Variants in EED observed in about 807,000 individuals in gnomAD.
EED encodes embryonic ectoderm development, also known as polycomb protein EED.
A neutral mutation model predicts 61.0 loss-of-function variants in EED; 9 were observed. The observed-to-expected ratio is 0.15, with a 90% CI of 0.09 to 0.26. The LOEUF is 0.26. EED is among the 10% of genes least tolerant of loss of function. The probability of loss-of-function intolerance (pLI) is 1.00; values close to 1 mark genes in which losing one functional copy is unlikely to be tolerated. For synonymous variants in EED, 187 were observed against 174.4 expected (o/e 1.07, Z -0.57); for missense variants, 315 against 542.3 (o/e 0.58, Z 4.16).
chr11:86,266,245 G>A, intron 8 of EED, 29 bp downstream of exon 8: 1 of 1,550,668 alleles, frequency 6.4e-7, no homozygotes. Context: ...GAAACAATTT[G>A]CTATGTTGTG....
intron 9 of EED, among the ~76,000 whole-genome samples, chr11:86,272,385 A>G (rs1312213609): frequency 1.3e-5 from 2 of 151,950 alleles, no homozygotes; most frequent in African/African-American, 2.4e-5. Context: ...CTCAACTTTT[A>G]TCAGTTTCTT....
At chr11:86,276,165 ATTG>A in intron 9 of EED, 1 of 152,188 alleles carries the variant, frequency 6.6e-6, no homozygotes, top group Non-Finnish European at 1.5e-5. Flanking sequence ...GCACAGACAC[ATTG>A]TCAAATGTCC....
intron 9 of EED, among the ~76,000 whole-genome samples, chr11:86,275,357 G>A (rs769331095): frequency 1.3e-5 from 2 of 152,146 alleles, no homozygotes; most frequent in Non-Finnish European, 2.9e-5. Flanking sequence ...TGAATTTTAG[G>A]TGGTAGGCTG....
chr11:86,278,046 T>C (rs947914251), intron 11 of EED, 55 bp downstream of exon 11: 2 of 1,472,528 alleles, frequency 1.4e-6, no homozygotes, highest in African/African-American at 2.9e-5. Flanking sequence ...CACACTTGTA[T>C]GCCAATGTAG....
At chr11:86,256,651 A>G in intron 5 of EED, 139 bp downstream of exon 5, 2 of 873,280 alleles carry the variant, frequency 2.3e-6, no homozygotes, top group African/African-American at 1.7e-5. Flanking sequence ...CTCTCTTTGG[A>G]TGAGTCTTTT....
At chr11:86,256,333 T>G (rs1945673277) in intron 4 of EED, 54 bp from the exon 5 acceptor site, 1 of 1,446,138 alleles carries the variant, frequency 6.9e-7, no homozygotes, top group Non-Finnish European at 9.2e-7. Context: ...ATTATAATTA[T>G]TGACATGTTT....
chr11:86,258,659 G>A (rs1461848813), intron 6 of EED, among the ~76,000 whole-genome samples: 1 of 150,582 alleles, frequency 6.6e-6, no homozygotes, highest in African/African-American at 2.4e-5. Context: ...GGGTTTAAGA[G>A]ATTCTCCTGC....
At chr11:86,272,579 T>G (rs950965599) in intron 9 of EED, among the ~76,000 whole-genome samples, 3 of 152,240 alleles carry the variant, frequency 2.0e-5, no homozygotes, top group Non-Finnish European at 2.9e-5. Flanking sequence ...TTATCAACTA[T>G]TGAGAGACAG....
intron 9 of EED, among the ~76,000 whole-genome samples, chr11:86,275,331 C>G (rs1026900790): frequency 2.0e-5 from 3 of 152,154 alleles, no homozygotes; most frequent in African/African-American, 7.2e-5. Flanking sequence ...GAACTTAGAT[C>G]TCTGGAAAGG....
chr11:86,252,931 A>G (rs921924244), intron 3 of EED, among the ~76,000 whole-genome samples: 2 of 151,976 alleles, frequency 1.3e-5, no homozygotes, highest in African/African-American at 4.8e-5. Context: ...TTTTTTTTGT[A>G]GGGATAGGTT....
At chr11:86,251,760 A>C (rs1945536747) in intron 2 of EED, among the ~76,000 whole-genome samples, 1 of 152,230 alleles carries the variant, frequency 6.6e-6, no homozygotes, top group Non-Finnish European at 1.5e-5. Context: ...CAGAGAAGCT[A>C]TTAAGGCCAT....
At position 86,267,689 on chromosome 11, in the gene EED, C is replaced by G. The variant is rs576263626; in HGVS notation, c.861-767C>G. The stretch of plus-strand genomic sequence containing the variant: ...AATCTTGGCTCACTGCAACCTCTGC[C>G]TCGCAGGTTCAAGCGATTCTCCTGC... On this transcript the variant is annotated intron_variant, in intron 8 of 11. Coordinates refer to ENST00000263360, the MANE Select transcript of EED (RefSeq NM_003797.5). Among the ~76,000 whole-genome samples the G allele has an allele frequency of 6.6e-5, 10 of 152,110 alleles. No homozygotes were observed. The East Asian group carries it at 1.9e-3, about 29-fold the overall frequency.
At chr11:86,263,971 G>T in intron 6 of EED, 1 of 520,456 alleles carries the variant, frequency 1.9e-6, no homozygotes, top group South Asian at 2.8e-5. Context: ...GCTTTTGGGG[G>T]GGCCTATTCA....
At chr11:86,251,717 G>C (rs543174321) in intron 2 of EED, among the ~76,000 whole-genome samples, 3 of 152,248 alleles carry the variant, frequency 2.0e-5, no homozygotes, top group Non-Finnish European at 4.4e-5. Context: ...CTTTACAAGG[G>C]AAAAATTTAG....
chr11:86,271,390 C>G (rs1946107893), intron 9 of EED, among the ~76,000 whole-genome samples: 1 of 152,270 alleles, frequency 6.6e-6, no homozygotes, highest in East Asian at 1.9e-4. Context: ...TGTGACCTAG[C>G]TAGACTACAT....
chr11:86,277,141 A>G lies in EED; in HGVS notation c.1125+3A>G, dbSNP rs1433585052. 6.4e-7 allele frequency: 1 copy of G among 1,569,806 alleles called. No individual in the cohort carries two copies. The highest frequency in any genetic ancestry group is 8.7e-7 in the Non-Finnish European group (1 of 1,151,208). ...TTTCTATGGATTTCTGGCAAAAGGT[A>G]TCAACATACTTTTACATTTTGAAAT... On this transcript the variant is annotated splice_donor_region_variant and intron_variant, in intron 10 of 11. Coordinates refer to ENST00000263360, the MANE Select transcript of EED (RefSeq NM_003797.5).
intron 8 of EED, 34 bp from the exon 9 acceptor site, chr11:86,268,422 C>CT: frequency 2.1e-6 from 3 of 1,400,810 alleles, no homozygotes; most frequent in Non-Finnish European, 2.9e-6. Context: ...ATAATTTTTT[C>CT]TTTTAACTTT....
At chr11:86,286,971 CAAAAAAAAAAAA>C in the EED span, among the ~76,000 whole-genome samples, 3 of 68,328 alleles carry the variant, frequency 4.4e-5, 1 homozygote, top group East Asian at 5.1e-4. Context: ...GACTCCGTCT[CAAAAAAAAAAAA>C]AAAAAAAAAA....
intron 1 of EED, 90 bp downstream of exon 1, chr11:86,245,433 TG>T (rs1053154339): frequency 9.3e-6 from 7 of 751,720 alleles, no homozygotes; most frequent in East Asian, 5.6e-5. Flanking sequence ...CGGGCTGCTG[TG>T]GGGGGAGGGA....
Sources: gnomAD v4.1 joint callset for allele counts (sites outside exome capture counted in the v4.1 genomes callset) on GRCh38, gnomAD v4.1.1 for gene constraint, MANE v1.5 for transcripts, NCBI Gene and HGNC (gene_info 2026-07-23, HGNC 2026-07-21) for gene names.